Variants in SAMD12 observed in about 807,000 individuals in gnomAD.
The protein encoded by SAMD12 is sterile alpha motif domain-containing protein 12.
SAMD12 carries 9 observed loss-of-function variants against 15.0 expected under a neutral mutation model. The ratio of observed to expected loss-of-function variants is 0.60; its 90% CI spans 0.36 to 1.05. SAMD12 has a LOEUF of 1.05. SAMD12 is among the 50% of genes least tolerant of loss of function. SAMD12 has a pLI of 0.01. For missense variants in SAMD12, 230 were observed against 234.2 expected (o/e 0.98, Z 0.12); for synonymous variants, 86 against 90.1 (o/e 0.96, Z 0.25).
At position 118,279,859 on chromosome 8, in the gene SAMD12, A is replaced by G. The variant is rs143299787; in HGVS notation, c.434-82127T>C. 6.5e-3 allele frequency among the ~76,000 whole-genome samples: 983 copies of G among 152,344 alleles called. 11 individuals carry two copies. The highest frequency in any genetic ancestry group is 0.022 in the African/African-American group (933 of 41,568). On this transcript the variant is annotated intron_variant, in intron 4 of 4. Coordinates refer to the SAMD12 transcript ENST00000409003. ...TTATGGGAGATGAACAGCCTGGCCC[A>G]GTGGGATTCACTTTACTGAAGAGGT...
chr8:118,146,952 T>C, the SAMD12 span, among the ~76,000 whole-genome samples: 1 of 152,310 alleles, frequency 6.6e-6, no homozygotes, highest in African/African-American at 2.4e-5. Context: ...AATTGGTGAT[T>C]GCCATTTCCA....
At chr8:118,363,433 G>GT (rs1455288041) in intron 4 of SAMD12, among the ~76,000 whole-genome samples, 2 of 152,210 alleles carry the variant, frequency 1.3e-5, no homozygotes, top group Admixed American at 1.3e-4. Flanking sequence ...AGGAGTAAGA[G>GT]TAAGAGGGAA....
intron 4 of SAMD12, among the ~76,000 whole-genome samples, chr8:118,332,552 C>A (rs1468876578): frequency 6.6e-6 from 1 of 152,150 alleles, no homozygotes; most frequent in African/African-American, 2.4e-5. Flanking sequence ...CTGCTTTTTT[C>A]AGCATAAGCA....
intron 4 of SAMD12, among the ~76,000 whole-genome samples, chr8:118,232,023 T>G (rs1812320461): frequency 6.6e-6 from 1 of 152,232 alleles, no homozygotes. Context: ...CAGACCATCC[T>G]GCCTATCTGT....
downstream of SAMD12, among the ~76,000 whole-genome samples, chr8:118,185,440 G>T (rs955272797): frequency 6.6e-6 from 1 of 151,964 alleles, no homozygotes; most frequent in Non-Finnish European, 1.5e-5. Flanking sequence ...TTATGGCTTT[G>T]CATCCTCATA....
At chr8:118,578,587 C>T (rs1469217605) in intron 2 of SAMD12, among the ~76,000 whole-genome samples, 1 of 152,088 alleles carries the variant, frequency 6.6e-6, no homozygotes, top group Non-Finnish European at 1.5e-5. Flanking sequence ...CTCTACCAGC[C>T]CTCTAAATGC....
chr8:118,616,542 C>G (rs575230464), intron 1 of SAMD12, among the ~76,000 whole-genome samples: 72 of 152,348 alleles, frequency 4.7e-4, no homozygotes, highest in African/African-American at 1.7e-3. Flanking sequence ...AATTACACTT[C>G]TGGTCTCCCT....
rs561075951 is a variant in SAMD12 at position 118,295,273 on chromosome 8, T to G, written c.433+84287A>C. ...TGAAAGGCTATTTTTATGCATTTAT[T>G]TAATCTCTGTATATACTTTTCTCAT... On this transcript the variant is annotated intron_variant, in intron 4 of 4. Coordinates refer to the SAMD12 transcript ENST00000409003. 2.0e-5 allele frequency among the ~76,000 whole-genome samples: 3 copies of G among 152,334 alleles called. No homozygotes were observed. The South Asian group carries it at 6.2e-4, about 32-fold the overall frequency.
At chr8:118,509,536 T>C (rs1185801401) in intron 2 of SAMD12, among the ~76,000 whole-genome samples, 3 of 152,236 alleles carry the variant, frequency 2.0e-5, no homozygotes. Context: ...GTTCTGTTTC[T>C]GAAATGGTTC....
chr8:118,320,675 G>GGGT (rs1816194170), intron 4 of SAMD12, among the ~76,000 whole-genome samples: 1 of 143,824 alleles, frequency 7.0e-6, no homozygotes, highest in African/African-American at 2.7e-5. Context: ...CGTGGGGTGG[G>GGGT]GGGGGTGGGG....
intron 2 of SAMD12, among the ~76,000 whole-genome samples, chr8:118,529,707 C>T (rs953907520): frequency 2.0e-5 from 3 of 152,128 alleles, no homozygotes; most frequent in Non-Finnish European, 2.9e-5. Context: ...ATTCATCTTG[C>T]TGCAAAAGCC....
At chr8:118,614,480 C>G (rs953480091) in intron 1 of SAMD12, among the ~76,000 whole-genome samples, 4 of 152,154 alleles carry the variant, frequency 2.6e-5, no homozygotes, top group Admixed American at 6.5e-5. Flanking sequence ...AGGAGAGAGT[C>G]CTGCACTGTG....
chr8:118,174,178 A>C, the SAMD12 span, among the ~76,000 whole-genome samples: 1 of 152,086 alleles, frequency 6.6e-6, no homozygotes, highest in Non-Finnish European at 1.5e-5. Context: ...GATTGATCTG[A>C]GGATTCAATG....
At chr8:118,618,042 TA>T (rs112337429) in intron 1 of SAMD12, among the ~76,000 whole-genome samples, 7,083 of 104,998 alleles carry the variant, frequency 0.067, 527 homozygotes, top group African/African-American at 0.2. Context: ...TTTTTTTTTT[TA>T]AAAAAAGGCA....
chr8:118,563,572 T>C (rs1218939070), intron 2 of SAMD12, among the ~76,000 whole-genome samples: 1 of 152,176 alleles, frequency 6.6e-6, no homozygotes, highest in East Asian at 1.9e-4. Context: ...TAAGAAATAA[T>C]CTACAAACAA....
rs183233530 is a variant in SAMD12, at chr8:118,290,489, C to T, written c.433+89071G>A. 1.2e-4 allele frequency among the ~76,000 whole-genome samples: 18 copies of T among 152,290 alleles called. No individual in the cohort carries two copies. The East Asian group carries it at 2.3e-3, about 20-fold the overall frequency. On this transcript the variant is annotated intron_variant, in intron 4 of 4. Transcript: ENST00000409003. ...CCTCAAAGGTAGCAGTGGGTCTCCT[C>T]GCACTATTTTTCCTTCTTAGAAAAA...
At chr8:118,349,844 C>T (rs1817866849) in intron 4 of SAMD12, among the ~76,000 whole-genome samples, 1 of 152,140 alleles carries the variant, frequency 6.6e-6, no homozygotes, top group Admixed American at 6.5e-5. Context: ...ACAAGAGCCA[C>T]CTGCTGGGCA....
At chr8:118,613,967 C>G (rs1357808586) in intron 1 of SAMD12, among the ~76,000 whole-genome samples, 2 of 152,150 alleles carry the variant, frequency 1.3e-5, no homozygotes, top group Non-Finnish European at 2.9e-5. Flanking sequence ...CATGACTGCA[C>G]AGAGTCAGAT....
At chr8:118,206,328 C>T (rs1433231309) in intron 4 of SAMD12, among the ~76,000 whole-genome samples, 1 of 152,166 alleles carries the variant, frequency 6.6e-6, no homozygotes, top group South Asian at 2.1e-4. Context: ...GTGGTATATA[C>T]GGCAGGAAAA....
Sources: gnomAD v4.1 joint callset for allele counts (sites outside exome capture counted in the v4.1 genomes callset) on GRCh38, gnomAD v4.1.1 for gene constraint, MANE v1.5 for transcripts, NCBI Gene and HGNC (gene_info 2026-07-23, HGNC 2026-07-21) for gene names.